Variants in DNAJB6 observed in about 807,000 individuals in gnomAD.
The protein encoded by DNAJB6 is dnaJ homolog subfamily B member 6.
DNAJB6 carries 16 observed loss-of-function variants against 42.7 expected under a neutral mutation model. The ratio of observed to expected loss-of-function variants is 0.37; its 90% CI spans 0.25 to 0.57. The LOEUF is 0.57. Among genes scored for constraint, DNAJB6 ranks in the 20% least tolerant of loss-of-function variants. The pLI, the probability that DNAJB6 is intolerant of heterozygous loss-of-function variation, is 0.74. For synonymous variants in DNAJB6, 170 were observed against 163.5 expected (o/e 1.04, Z -0.30); for missense variants, 347 against 416.8 (o/e 0.83, Z 1.46).
At chr7:157,348,135 C>G (rs868724219) in intron 1 of DNAJB6, among the ~76,000 whole-genome samples, 1 of 150,626 alleles carries the variant, frequency 6.6e-6, no homozygotes, top group African/African-American at 2.4e-5. Context: ...CTCTGTGGCT[C>G]AGGCTGGAGT....
chr7:157,369,193 G>T (rs143014243), intron 5 of DNAJB6: 13 of 440,198 alleles, frequency 3.0e-5, no homozygotes, highest in African/African-American at 1.2e-4. Context: ...GCTGCCATCA[G>T]CAGAAACAGA....
chr7:157,360,819 G>A (rs1028057008), intron 2 of DNAJB6, among the ~76,000 whole-genome samples: 5 of 152,180 alleles, frequency 3.3e-5, no homozygotes, highest in African/African-American at 1.2e-4. Flanking sequence ...CTCTTCCTGG[G>A]TTTGAGTCAC....
Position 157,356,106 on chromosome 7 carries a change from CAG to C in DNAJB6, c.-26-2438_-26-2437del, listed in dbSNP as rs200508222. ...ATGGCCTCTTGCTATATATAGTGCT[CAG>C]AGGGGATGATCCAGATGTCTGGCAT... On this transcript the variant is annotated intron_variant, in intron 1 of 9. Coordinates refer to ENST00000262177, the MANE Select transcript of DNAJB6 (RefSeq NM_058246.4). Among the ~76,000 whole-genome samples, 982 of 152,320 alleles carry C rather than the reference CAG, an allele frequency of 6.4e-3. 12 individuals carry two copies. The highest frequency in any genetic ancestry group is 0.022 in the African/African-American group (909 of 41,562).
At chr7:157,352,016 A>AAC (rs1186717628) in intron 1 of DNAJB6, among the ~76,000 whole-genome samples, 1 of 152,050 alleles carries the variant, frequency 6.6e-6, no homozygotes, top group African/African-American at 2.4e-5. Context: ...CAAACAAACA[A>AAC]ACAAAAAAAC....
intron 9 of DNAJB6, chr7:157,410,479 C>T (rs553514877): frequency 1.6e-4 from 31 of 198,832 alleles, no homozygotes; most frequent in South Asian, 1.3e-3. Context: ...CCTTGTGAAG[C>T]GTAGTCTGCC....
At chr7:157,355,373 G>A (rs1222230376) in intron 1 of DNAJB6, among the ~76,000 whole-genome samples, 1 of 152,196 alleles carries the variant, frequency 6.6e-6, no homozygotes, top group Non-Finnish European at 1.5e-5. Context: ...TGTTAGCCAG[G>A]ATGGTCTTGA....
chr7:157,350,907 C>T (rs1798937358), intron 1 of DNAJB6, among the ~76,000 whole-genome samples: 1 of 151,026 alleles, frequency 6.6e-6, no homozygotes, highest in Non-Finnish European at 1.5e-5. Flanking sequence ...ATATGCCAGA[C>T]ATTAGCCAGC....
chr7:157,344,573 C>G (rs895105918), intron 1 of DNAJB6, among the ~76,000 whole-genome samples: 2 of 151,918 alleles, frequency 1.3e-5, no homozygotes, highest in Admixed American at 1.3e-4. Context: ...CGCAAATTCC[C>G]TTCCAGCCTG....
chr7:157,395,236 G>A (rs1042428610), intron 8 of DNAJB6, among the ~76,000 whole-genome samples: 2 of 152,220 alleles, frequency 1.3e-5, no homozygotes, highest in Non-Finnish European at 1.5e-5. Flanking sequence ...GCTGGGGGGG[G>A]GTTGGTGCTG....
At chr7:157,369,909 A>AGGCCCCTTCTTAACATTATTATTAAACG (rs1800076708) in intron 5 of DNAJB6, among the ~76,000 whole-genome samples, 1 of 141,950 alleles carries the variant, frequency 7.0e-6, no homozygotes, top group Admixed American at 7.0e-5. Flanking sequence ...ATTATTAAAC[A>AGGCCCCTTCTTAACATTATTATTAAACG]GGCCCCTTCT....
At chr7:157,404,810 T>TG (rs1795701913) in intron 8 of DNAJB6, among the ~76,000 whole-genome samples, 1 of 151,958 alleles carries the variant, frequency 6.6e-6, no homozygotes, top group Non-Finnish European at 1.5e-5. Flanking sequence ...CTGGCCCAGA[T>TG]GGGGTCTTTC....
intron 9 of DNAJB6, chr7:157,413,128 C>T (rs1285625756): frequency 6.6e-6 from 1 of 152,166 alleles, no homozygotes; most frequent in Non-Finnish European, 1.5e-5. Flanking sequence ...CAGCGCTCGC[C>T]CTGCCTGCGT....
chr7:157,413,477 G>C (rs1796030404), intron 9 of DNAJB6: 1 of 152,118 alleles, frequency 6.6e-6, no homozygotes, highest in Non-Finnish European at 1.5e-5. Flanking sequence ...ACTAATTTGT[G>C]TATTTATACT....
chr7:157,384,637 G>A (rs913915608), intron 6 of DNAJB6, among the ~76,000 whole-genome samples: 12 of 152,228 alleles, frequency 7.9e-5, no homozygotes, highest in Non-Finnish European at 1.5e-4. Flanking sequence ...GGGGAGGGGA[G>A]AGGCTGCACT....
Position 157,416,217 on chromosome 7 carries a change from C to T in DNAJB6, c.*119C>T, listed in dbSNP as rs1796104796. The T allele has an allele frequency of 6.8e-7, 1 of 1,465,000 alleles. No homozygotes were observed. The highest frequency in any genetic ancestry group is 2.4e-4 in the Middle Eastern group (1 of 4,196). The allele number at this position is 1,465,000 out of a possible 1,614,324, so 90.8% of individuals were successfully genotyped here. On this transcript the variant is annotated 3_prime_UTR_variant, in exon 10 of 10. Coordinates refer to ENST00000262177, the MANE Select transcript of DNAJB6 (RefSeq NM_058246.4). ...CAGGACTGTCTCGAGGCCACACTCG[C>T]TCGGCAGGATTATGCGATCACGGAT...
intron 1 of DNAJB6, among the ~76,000 whole-genome samples, chr7:157,349,108 C>T (rs1276598688): frequency 9.9e-5 from 15 of 151,848 alleles, no homozygotes. Flanking sequence ...TCTGGAATTC[C>T]TGGGCTGAAG....
intron 8 of DNAJB6, among the ~76,000 whole-genome samples, chr7:157,391,234 C>A (rs1169102240): frequency 6.6e-6 from 1 of 152,146 alleles, no homozygotes; most frequent in African/African-American, 2.4e-5. Context: ...GAGTTTGCAG[C>A]CTGCGTGAGA....
At chr7:157,369,509 G>A (rs769185206) in intron 5 of DNAJB6, 2 of 426,450 alleles carry the variant, frequency 4.7e-6, no homozygotes, top group Middle Eastern at 3.8e-4. Flanking sequence ...GTCTGAGACC[G>A]GGCGTCTTCA....
At chr7:157,381,755 T>G (rs1034530976) in intron 5 of DNAJB6, 1 of 152,138 alleles carries the variant, frequency 6.6e-6, no homozygotes, top group Admixed American at 6.6e-5. Context: ...CGTGTGTGTG[T>G]GTGTGTGTGT....
Sources: allele counts gnomAD v4.1 joint callset (sites outside exome capture counted in the v4.1 genomes callset), GRCh38; gene constraint gnomAD v4.1.1; transcripts MANE v1.5; gene names NCBI Gene and HGNC (gene_info 2026-07-23, HGNC 2026-07-21).